ZBTB20: variants seen among roughly 807,000 people sequenced by gnomAD.
ZBTB20 encodes zinc finger and BTB domain-containing protein 20.
Under a neutral mutation model 56.9 loss-of-function variants are expected in ZBTB20, and 9 were observed. The ratio of observed to expected loss-of-function variants is 0.16; its 90% CI spans 0.10 to 0.28. The LOEUF (loss-of-function observed/expected upper bound fraction) is 0.28, where lower values mean the gene tolerates loss of function less well. Ranked by LOEUF, ZBTB20 falls within the 10% of genes least tolerant of loss-of-function variation. The pLI is 1.00. For missense variants in ZBTB20, 655 were observed against 1,003.0 expected, an observed-to-expected ratio of 0.65 and a Z score of 4.69; for synonymous variants, 417 against 420.7, an observed-to-expected ratio of 0.99 and a Z score of 0.11.
intron 5 of ZBTB20, among the ~76,000 whole-genome samples, chr3:114,792,885 T>C (rs1172209336): frequency 3.3e-5 from 5 of 149,962 alleles, no homozygotes; most frequent in Non-Finnish European, 5.9e-5. Context: ...TCTTTTTTTT[T>C]TTTTTTTTGA....
chr3:114,818,848 C>G (rs2073091316), intron 4 of ZBTB20, among the ~76,000 whole-genome samples: 1 of 151,812 alleles, frequency 6.6e-6, no homozygotes, highest in African/African-American at 2.4e-5. Context: ...GGATATTAAA[C>G]AGGAATAAGA....
At chr3:114,932,163 T>G (rs1159642866) in intron 3 of ZBTB20, among the ~76,000 whole-genome samples, 1 of 152,244 alleles carries the variant, frequency 6.6e-6, no homozygotes, top group Admixed American at 6.5e-5. Flanking sequence ...TTGCACTGAT[T>G]GTGTTAATGG....
intron 7 of ZBTB20, among the ~76,000 whole-genome samples, chr3:114,436,068 C>A (rs2090493096): frequency 6.6e-6 from 1 of 152,190 alleles, no homozygotes; most frequent in African/African-American, 2.4e-5. Context: ...GCTGCTGGTG[C>A]AATCCACCTT....
intron 6 of ZBTB20, among the ~76,000 whole-genome samples, chr3:114,611,244 C>A (rs6438214): frequency 0.26 from 40,161 of 151,966 alleles, 5,612 homozygotes; most frequent in Middle Eastern, 0.36. Context: ...TATTTTCAGG[C>A]GGCAGTCCTA....
intron 2 of ZBTB20, among the ~76,000 whole-genome samples, chr3:115,070,225 G>C (rs1399553545): frequency 6.6e-6 from 1 of 152,126 alleles, no homozygotes; most frequent in African/African-American, 2.4e-5. Flanking sequence ...CAGTTGTCTA[G>C]CCCACACCTT....
At chr3:114,544,407 TTCTTTCTTTCTTTC>T (rs1251729150) in intron 6 of ZBTB20, among the ~76,000 whole-genome samples, 2 of 2,248 alleles carry the variant, frequency 8.9e-4, no homozygotes, top group Admixed American at 4.1e-3. Context: ...ACTAGATTTC[TTCTTTCTTTCTTTC>T]TTTCTTTCTT....
chr3:114,973,928 A>G (rs2077992824), intron 3 of ZBTB20, among the ~76,000 whole-genome samples: 1 of 152,124 alleles, frequency 6.6e-6, no homozygotes, highest in Non-Finnish European at 1.5e-5. Context: ...AATGTCCCCA[A>G]CAAATACAAT....
At chr3:114,532,150 C>A (rs933009771) in intron 6 of ZBTB20, among the ~76,000 whole-genome samples, 2 of 152,158 alleles carry the variant, frequency 1.3e-5, no homozygotes, top group Non-Finnish European at 2.9e-5. Context: ...CACTCACTAC[C>A]CTGGAATGGG....
intron 2 of ZBTB20, among the ~76,000 whole-genome samples, chr3:115,034,329 C>T (rs1320001463): frequency 6.6e-6 from 1 of 151,354 alleles, no homozygotes; most frequent in Non-Finnish European, 1.5e-5. Context: ...ATGTAAAAAA[C>T]ATATTCCACA....
intron 7 of ZBTB20, among the ~76,000 whole-genome samples, chr3:114,481,202 C>T (rs2041501219): frequency 6.6e-6 from 1 of 151,028 alleles, no homozygotes; most frequent in Non-Finnish European, 1.5e-5. Context: ...GCCTTGAGAT[C>T]CAAGTCTTTA....
At chr3:115,075,159 T>A (rs1208886739) in intron 1 of ZBTB20, among the ~76,000 whole-genome samples, 2 of 152,164 alleles carry the variant, frequency 1.3e-5, no homozygotes, top group Non-Finnish European at 2.9e-5. Context: ...CAAATCTTAA[T>A]AGTACAATAT....
At chr3:114,767,999 T>C (rs1219841274) in intron 5 of ZBTB20, among the ~76,000 whole-genome samples, 1 of 152,146 alleles carries the variant, frequency 6.6e-6, no homozygotes, top group Admixed American at 6.5e-5. Context: ...TATATTTGCA[T>C]ACATTTTCAA....
chr3:115,134,949 A>G (rs958204302), intron 1 of ZBTB20, among the ~76,000 whole-genome samples: 10 of 152,192 alleles, frequency 6.6e-5, no homozygotes, highest in African/African-American at 2.4e-4. Flanking sequence ...TTTAGCCTCC[A>G]AAGACAGAGA....
chr3:114,787,400 T>TAC (rs2070627677), intron 5 of ZBTB20, among the ~76,000 whole-genome samples: 1 of 138,758 alleles, frequency 7.2e-6, no homozygotes, highest in African/African-American at 2.8e-5. Flanking sequence ...CACATATATA[T>TAC]ACATATATAT....
At chr3:115,032,511 C>A (rs946855083) in intron 2 of ZBTB20, among the ~76,000 whole-genome samples, 3 of 151,172 alleles carry the variant, frequency 2.0e-5, no homozygotes, top group Admixed American at 1.3e-4. Context: ...TCATTTGTTA[C>A]TTAGTAATAC....
At chr3:114,861,195 G>A (rs2075511587) in intron 4 of ZBTB20, among the ~76,000 whole-genome samples, 1 of 152,146 alleles carries the variant, frequency 6.6e-6, no homozygotes, top group Non-Finnish European at 1.5e-5. Context: ...CATCACATCT[G>A]AAATAGCTTG....
intron 8 of ZBTB20, among the ~76,000 whole-genome samples, chr3:114,384,925 C>T (rs2084909215): frequency 6.6e-6 from 1 of 152,222 alleles, no homozygotes; most frequent in South Asian, 2.1e-4. Flanking sequence ...TGCACACATA[C>T]AGTGATGGCA....
intron 5 of ZBTB20, among the ~76,000 whole-genome samples, chr3:114,739,900 A>G (rs2066453505): frequency 6.6e-6 from 1 of 152,158 alleles, no homozygotes; most frequent in African/African-American, 2.4e-5. Flanking sequence ...CTCTGTATCT[A>G]TGAGATATTT....
At chr3:114,419,792 A>G (rs1013316093) in intron 7 of ZBTB20, among the ~76,000 whole-genome samples, 1 of 152,156 alleles carries the variant, frequency 6.6e-6, no homozygotes, top group Admixed American at 6.6e-5. Flanking sequence ...GAAGAGAAAC[A>G]TACCGTGTGC....
Sources: gnomAD v4.1 joint callset for allele counts (sites outside exome capture counted in the v4.1 genomes callset) on GRCh38, gnomAD v4.1.1 for gene constraint, MANE v1.5 for transcripts, NCBI Gene and HGNC (gene_info 2026-07-23, HGNC 2026-07-21) for gene names.